COBL: variants seen among roughly 807,000 people sequenced by gnomAD.
The protein encoded by COBL is cordon-bleu WH2 repeat protein, also known as protein cordon-bleu.
Under a neutral mutation model 98.8 loss-of-function variants are expected in COBL, and 51 were observed. That is an observed-to-expected ratio of 0.52 (90% confidence interval 0.41 to 0.65). The LOEUF is 0.65. Among genes scored for constraint, COBL ranks in the 30% least tolerant of loss-of-function variants. The pLI, the probability that COBL is intolerant of heterozygous loss-of-function variation, is 0.00. For missense variants in COBL, 1,617 were observed against 1,617.5 expected, an observed-to-expected ratio of 1.00 and a Z score of 0.01; for synonymous variants, 634 against 651.7, an observed-to-expected ratio of 0.97 and a Z score of 0.41.
At chr7:51,181,872 C>A (rs1788999017) in intron 5 of COBL, among the ~76,000 whole-genome samples, 1 of 152,154 alleles carries the variant, frequency 6.6e-6, no homozygotes, top group Admixed American at 6.5e-5. Context: ...AAGTCCCTTG[C>A]AATCCACGGA....
At chr7:51,301,156 C>T (rs773777229) in intron 1 of COBL, among the ~76,000 whole-genome samples, 6 of 152,170 alleles carry the variant, frequency 3.9e-5, no homozygotes, top group Admixed American at 1.3e-4. Context: ...CTCCCTCCGG[C>T]GCTGCCCTGG....
chr7:51,224,416 G>GA (rs1793981254), intron 1 of COBL, among the ~76,000 whole-genome samples: 1 of 152,294 alleles, frequency 6.6e-6, no homozygotes, highest in South Asian at 2.1e-4. Context: ...TTCTGAGGGA[G>GA]AAAAAACCTG....
rs938314244 is a variant in COBL, at chr7:51,245,734, G to A, written c.42-25790C>T. ...CAGAAAGGTTCTAGAGGGGCAATAAGATAGACACAACTGTTTAGCTAAAAG... is the reference window on the plus strand; with the variant it reads ...CAGAAAGGTTCTAGAGGGGCAATAAAATAGACACAACTGTTTAGCTAAAAG... On this transcript the variant is annotated intron_variant, in intron 1 of 12. Transcript: ENST00000265136. 4.6e-5 allele frequency among the ~76,000 whole-genome samples: 7 copies of A among 152,320 alleles called. No homozygotes were observed. The East Asian group carries it at 5.8e-4, about 13-fold the overall frequency.
chr7:51,219,864 TG>T lies in COBL; in HGVS notation c.121del (p.His41ThrfsTer14). On this transcript the variant is annotated frameshift_variant, in exon 2 of 13. Coordinates refer to ENST00000265136, the MANE Select transcript of COBL (RefSeq NM_015198.5). LOFTEE classifies it high-confidence loss of function. ...CTGCTGCGACCCGAGGGCCCCATCG[TG>T]GGGGGGCTTCTGGTCACTGTGCACA... ...LHVHSDQKPPHDGALGSQQNL... is the reference protein window; with the variant it reads ...LHVHSDQKPPXDGALGSQQNL... 1.2e-6 allele frequency: 2 copies of T among 1,613,410 alleles called. No individual in the cohort carries two copies. Among genetic ancestry groups the T allele is most frequent in the Non-Finnish European group, 1.7e-6 (2 of 1,179,996 alleles).
chr7:51,036,409 G>A (rs928036886), intron 8 of COBL, among the ~76,000 whole-genome samples: 9 of 148,614 alleles, frequency 6.1e-5, no homozygotes, highest in African/African-American at 2.3e-4. Context: ...ACACAGTCAT[G>A]AGCTGCATAC....
intron 6 of COBL, among the ~76,000 whole-genome samples, chr7:51,133,358 G>C (rs1798927754): frequency 6.6e-6 from 1 of 152,174 alleles, no homozygotes; most frequent in Non-Finnish European, 1.5e-5. Flanking sequence ...TCATTTTGAG[G>C]TAACTTTCCT....
At chr7:51,062,165 G>A (rs1340187108) in intron 7 of COBL, among the ~76,000 whole-genome samples, 2 of 152,084 alleles carry the variant, frequency 1.3e-5, no homozygotes, top group Non-Finnish European at 2.9e-5. Flanking sequence ...TTTAGCAATG[G>A]TCTAATTATT....
intron 2 of COBL, among the ~76,000 whole-genome samples, chr7:51,200,366 A>C (rs1791006260): frequency 6.6e-6 from 1 of 152,246 alleles, no homozygotes; most frequent in African/African-American, 2.4e-5. Flanking sequence ...GGTACACACA[A>C]ATCTCTTTAA....
In COBL at chr7:51,150,933, G is replaced by A. The variant is rs568673202; in HGVS notation, c.784-14602C>T. Among the ~76,000 whole-genome samples the A allele has an allele frequency of 9.2e-5, 14 of 152,208 alleles. No individual in the cohort carries two copies. In the South Asian group the frequency reaches 1.0e-3, roughly 11 times the overall value. ...GATGCTCAGTTGGTTCTTTCTAGTC[G>A]CAGAGAGCCCCTTCTTCAGGAGCAA... On this transcript the variant is annotated intron_variant, in intron 5 of 12. Coordinates refer to ENST00000265136, the MANE Select transcript of COBL (RefSeq NM_015198.5).
intron 1 of COBL, among the ~76,000 whole-genome samples, chr7:51,247,984 C>A (rs1179549070): frequency 6.6e-6 from 1 of 151,952 alleles, no homozygotes; most frequent in Non-Finnish European, 1.5e-5. Flanking sequence ...ACTAAACATA[C>A]AAAAGTTAGC....
chr7:51,060,852 G>T (rs746451295), intron 7 of COBL, among the ~76,000 whole-genome samples: 1 of 152,146 alleles, frequency 6.6e-6, no homozygotes, highest in Admixed American at 6.5e-5. Context: ...GCGAAGAAGG[G>T]GTTTATGGTG....
intron 6 of COBL, among the ~76,000 whole-genome samples, chr7:51,132,071 G>C (rs1021982662): frequency 6.6e-6 from 1 of 152,210 alleles, no homozygotes; most frequent in African/African-American, 2.4e-5. Flanking sequence ...CTGCTGCAGC[G>C]CCTTGGTGAT....
intron 1 of COBL, among the ~76,000 whole-genome samples, chr7:51,272,188 C>T (rs533486548): frequency 1.3e-5 from 2 of 152,310 alleles, no homozygotes; most frequent in East Asian, 3.9e-4. Flanking sequence ...CCAATCAGGG[C>T]ACATAAATGG....
chr7:51,235,313 A>G (rs1303997158), intron 1 of COBL, among the ~76,000 whole-genome samples: 2 of 152,088 alleles, frequency 1.3e-5, no homozygotes, highest in Admixed American at 1.3e-4. Flanking sequence ...TCTTGATTGG[A>G]TTGAGGGAAT....
At chr7:51,049,035 T>C (rs1177493551) in intron 7 of COBL, among the ~76,000 whole-genome samples, 1 of 152,210 alleles carries the variant, frequency 6.6e-6, no homozygotes. Flanking sequence ...ATCATTCCAT[T>C]AGGTTTCTAA....
intron 6 of COBL, among the ~76,000 whole-genome samples, chr7:51,109,645 C>T (rs148352440): frequency 2.2e-3 from 342 of 152,178 alleles, no homozygotes; most frequent in African/African-American, 7.8e-3. Context: ...CTACCAGGCT[C>T]GATCACTCAT....
chr7:51,083,300 C>T, intron 7 of COBL: 1 of 1,183,006 alleles, frequency 8.5e-7, no homozygotes, highest in Non-Finnish European at 1.1e-6. Flanking sequence ...CCAAATCCAA[C>T]CTCACTGGGC....
intron 1 of COBL, among the ~76,000 whole-genome samples, chr7:51,252,127 T>C (rs1796777213): frequency 6.6e-6 from 1 of 152,252 alleles, no homozygotes; most frequent in South Asian, 2.1e-4. Flanking sequence ...ATTTCATTAT[T>C]AGATCTCTTT....
chr7:51,270,166 G>A (rs570377671), intron 1 of COBL, among the ~76,000 whole-genome samples: 1 of 152,292 alleles, frequency 6.6e-6, no homozygotes, highest in South Asian at 2.1e-4. Context: ...TGAGCACACA[G>A]GGCTTGGCTG....
Sources: gnomAD v4.1 joint callset for allele counts (sites outside exome capture counted in the v4.1 genomes callset) on GRCh38, gnomAD v4.1.1 for gene constraint, MANE v1.5 for transcripts, NCBI Gene and HGNC (gene_info 2026-07-23, HGNC 2026-07-21) for gene names.